The following EPHA4 variants were observed in gnomAD, a reference collection of about 807,000 sequenced individuals.
EPHA4 encodes ephrin type-A receptor 4.
Under a neutral mutation model 108.3 loss-of-function variants are expected in EPHA4, and 19 were observed. That is an observed-to-expected ratio of 0.18 (90% CI 0.12 to 0.26). EPHA4 has a LOEUF of 0.26. Ranked by LOEUF, EPHA4 falls within the 10% of genes least tolerant of loss-of-function variation. EPHA4 has a pLI of 1.00. For missense variants in EPHA4, 917 were observed against 1,254.0 expected (o/e 0.73, Z 4.06); for synonymous variants, 449 against 455.5 (o/e 0.99, Z 0.18).
chr2:221,475,062 G>GT (rs1294448129), intron 5 of EPHA4, among the ~76,000 whole-genome samples: 1 of 152,092 alleles, frequency 6.6e-6, no homozygotes, highest in Non-Finnish European at 1.5e-5. Context: ...GTAGAGATGG[G>GT]TTTTTGCCAT....
At chr2:221,470,572 G>T (rs1691450164) in intron 5 of EPHA4, among the ~76,000 whole-genome samples, 1 of 148,304 alleles carries the variant, frequency 6.7e-6, no homozygotes, top group African/African-American at 2.5e-5. Context: ...ATCACTTTAG[G>T]GAACCTCTGC....
chr2:221,571,546 C>T lies in EPHA4; in HGVS notation c.91+612G>A, dbSNP rs1451092373. Among the ~76,000 whole-genome samples the T allele has an allele frequency of 6.6e-6, 1 of 152,224 alleles. No individual in the cohort carries two copies. Among genetic ancestry groups the T allele is most frequent in the African/African-American group, 2.4e-5 (1 of 41,470 alleles). Reference sequence around the variant, plus strand: ...GCGAAGAGCTCGGGCCCCTCAGGCCCGCAATCGCACCCTCGGGGCGCTGGG... The same window carrying T: ...GCGAAGAGCTCGGGCCCCTCAGGCCTGCAATCGCACCCTCGGGGCGCTGGG... On this transcript the variant is annotated intron_variant, in intron 1 of 17. Transcript: ENST00000281821. The surrounding 1 kb of genome is among the most constrained non-coding windows in gnomAD (Gnocchi z 6.3).
Position 221,436,437 on chromosome 2 carries a change from C to T in EPHA4, c.2308G>A (p.Val770Met). 6.2e-7 allele frequency: 1 copy of T among 1,614,212 alleles called. No individual in the cohort carries two copies. Among genetic ancestry groups the T allele is most frequent in the Non-Finnish European group, 8.5e-7 (1 of 1,180,036 alleles). Residue 770 changes from valine to methionine, a missense_variant, in exon 13 of 18, where the codon GTG becomes ATG. This residue lies in a region of EPHA4 where 758 missense variants were observed against 1,076.7 expected (regional missense o/e 0.70). Coordinates refer to ENST00000281821, the MANE Select transcript of EPHA4 (RefSeq NM_004438.5). The stretch of plus-strand genomic sequence containing the variant: ...GCTGCTTCCGGATCATCCTCAAGCA[C>T]TCGGGACATGCCAAAATCAGACACT... ...CKVSDFGMSRVLEDDPEAAYT... is the reference protein window; with the variant it reads ...CKVSDFGMSRMLEDDPEAAYT...
chr2:221,464,123 G>C (rs1691233165), intron 5 of EPHA4, among the ~76,000 whole-genome samples: 1 of 152,152 alleles, frequency 6.6e-6, no homozygotes, highest in African/African-American at 2.4e-5. Context: ...GTTTGCAGGA[G>C]AGATGGCTTC....
intron 4 of EPHA4, among the ~76,000 whole-genome samples, chr2:221,483,368 T>C (rs1691888998): frequency 6.6e-6 from 1 of 152,082 alleles, no homozygotes; most frequent in Non-Finnish European, 1.5e-5. Flanking sequence ...TTCTGAAATA[T>C]GGGTGATGGC....
In EPHA4 at chr2:221,422,311, A is replaced by G. The variant is rs1412962697; in HGVS notation, c.*820-1759T>C. On this transcript the variant is annotated intron_variant, in intron 17 of 17. Transcript: ENST00000281821. Reference sequence around the variant, plus strand: ...TATTTATGTGAAGTATGAGGAGAACATGAATATGATCTTAAAACGCTAGAG... The same window carrying G: ...TATTTATGTGAAGTATGAGGAGAACGTGAATATGATCTTAAAACGCTAGAG... Among the ~76,000 whole-genome samples the G allele has an allele frequency of 2.6e-5, 4 of 152,210 alleles. No homozygotes were observed. The East Asian group carries it at 7.7e-4, about 29-fold the overall frequency.
chr2:221,455,481 G>C, intron 8 of EPHA4, 66 bp downstream of exon 8: 1 of 1,252,054 alleles, frequency 8.0e-7, no homozygotes, highest in Non-Finnish European at 1.2e-6. Context: ...TTGTGTGGAA[G>C]AGAAAAAAAC....
At chr2:221,568,529 G>A (rs1428971513) in intron 2 of EPHA4, among the ~76,000 whole-genome samples, 189 bp downstream of exon 2, 1 of 152,106 alleles carries the variant, frequency 6.6e-6, no homozygotes, top group Non-Finnish European at 1.5e-5. Context: ...TTGGTTTCTA[G>A]TTCTTCCATG....
intron 17 of EPHA4, among the ~76,000 whole-genome samples, chr2:221,420,890 AGT>A (rs1215927654): frequency 3.3e-5 from 5 of 152,292 alleles, no homozygotes; most frequent in African/African-American, 4.8e-5. Flanking sequence ...GACCCCACAA[AGT>A]TCTAATTGAT....
chr2:221,504,628 T>C (rs1009806662), intron 3 of EPHA4, among the ~76,000 whole-genome samples: 8 of 152,190 alleles, frequency 5.3e-5, no homozygotes, highest in African/African-American at 1.9e-4. Context: ...ATTGTCTTTA[T>C]AGTTCATTTT....
intron 11 of EPHA4, among the ~76,000 whole-genome samples, chr2:221,438,797 T>A (rs199799674): frequency 1.2e-4 from 18 of 151,754 alleles, no homozygotes; most frequent in African/African-American, 3.6e-4. Flanking sequence ...AAAATAAAAA[T>A]AAAAAAAATC....
chr2:221,546,829 G>T (rs943436618), intron 3 of EPHA4, among the ~76,000 whole-genome samples: 2 of 152,148 alleles, frequency 1.3e-5, no homozygotes, highest in African/African-American at 4.8e-5. Flanking sequence ...TTTCATATGT[G>T]AAATACTTGT....
chr2:221,448,994 G>A (rs1227975537), intron 8 of EPHA4, among the ~76,000 whole-genome samples: 3 of 152,120 alleles, frequency 2.0e-5, no homozygotes, highest in African/African-American at 4.8e-5. Context: ...AGGTTGACAC[G>A]CCCATCCCTT....
At chr2:221,477,096 T>C (rs1691676712) in intron 5 of EPHA4, among the ~76,000 whole-genome samples, 1 of 152,082 alleles carries the variant, frequency 6.6e-6, no homozygotes, top group African/African-American at 2.4e-5. Context: ...TGCTTAATTG[T>C]CCAACCCTAG....
intron 4 of EPHA4, among the ~76,000 whole-genome samples, chr2:221,499,136 C>T (rs1419702600): frequency 6.6e-6 from 1 of 150,988 alleles, no homozygotes; most frequent in African/African-American, 2.4e-5. Flanking sequence ...CTCCCTAACT[C>T]TGAATGTTTA....
chr2:221,472,624 A>C (rs540445939), intron 5 of EPHA4, among the ~76,000 whole-genome samples: 1 of 151,978 alleles, frequency 6.6e-6, no homozygotes, highest in South Asian at 2.1e-4. Context: ...TTTTTTTGAA[A>C]GTGATAAACA....
At chr2:221,497,476 C>T (rs939769444) in intron 4 of EPHA4, among the ~76,000 whole-genome samples, 8 of 152,030 alleles carry the variant, frequency 5.3e-5, no homozygotes, top group African/African-American at 1.2e-4. Flanking sequence ...CAATGGCTCA[C>T]GCCTGTAATC....
intron 5 of EPHA4, among the ~76,000 whole-genome samples, chr2:221,470,631 A>C: frequency 8.1e-6 from 1 of 123,014 alleles, no homozygotes; most frequent in African/African-American, 3.2e-5. Flanking sequence ...CTAAAGTATC[A>C]CTTTAGGGAA....
intron 3 of EPHA4, among the ~76,000 whole-genome samples, chr2:221,555,096 GA>G (rs554454264): frequency 1.7e-4 from 26 of 152,150 alleles, no homozygotes; most frequent in Non-Finnish European, 3.4e-4. Flanking sequence ...AGGTCAAAAT[GA>G]AATGAGCAGC....
Sources: gnomAD v4.1 joint callset for allele counts (sites outside exome capture counted in the v4.1 genomes callset) on GRCh38, gnomAD v4.1.1 for gene constraint, gnomAD v4.1.1 regional missense constraint, Gnocchi (gnomAD v3.1) non-coding constraint, MANE v1.5 for transcripts, NCBI Gene and HGNC (gene_info 2026-07-23, HGNC 2026-07-21) for gene names.